The following ADGRG7 variants were observed in gnomAD, a reference collection of about 807,000 sequenced individuals.
The protein encoded by ADGRG7 is adhesion G protein-coupled receptor G7, also known as G-protein coupled receptor 128.
ADGRG7 carries 82 observed loss-of-function variants against 88.6 expected under a neutral mutation model. That is an observed-to-expected ratio of 0.93 (90% CI 0.77 to 1.11). ADGRG7 has a LOEUF of 1.11. Ranked by LOEUF, ADGRG7 falls within the 50% of genes most tolerant of loss-of-function variation. The pLI, the probability that ADGRG7 is intolerant of heterozygous loss-of-function variation, is 0.00. For synonymous variants in ADGRG7, 381 were observed against 345.2 expected, an observed-to-expected ratio of 1.10 and a Z score of -1.15; for missense variants, 945 against 953.4, an observed-to-expected ratio of 0.99 and a Z score of 0.12.
At chr3:100,619,595 T>C (rs963374741) in intron 1 of ADGRG7, among the ~76,000 whole-genome samples, 5 of 152,052 alleles carry the variant, frequency 3.3e-5, no homozygotes, top group Admixed American at 3.3e-4. Context: ...CAAAAAACCC[T>C]TCAAAAAATC....
At chr3:100,611,481 G>A (rs889366310) in intron 1 of ADGRG7, among the ~76,000 whole-genome samples, 2 of 152,064 alleles carry the variant, frequency 1.3e-5, no homozygotes, top group African/African-American at 4.8e-5. Context: ...AGTGCAGGAT[G>A]GGGGACAGAA....
chr3:100,646,455 A>G (rs371379472), intron 9 of ADGRG7, 114 bp from the exon 10 acceptor site: 116 of 776,592 alleles, frequency 1.5e-4, no homozygotes, highest in Middle Eastern at 5.4e-4. Context: ...GAATATGCTG[A>G]TGCTTAGTAT....
chr3:100,627,929 T>C (rs1258117265), intron 1 of ADGRG7, among the ~76,000 whole-genome samples: 1 of 152,224 alleles, frequency 6.6e-6, no homozygotes, highest in Non-Finnish European at 1.5e-5. Context: ...TTAGACAATA[T>C]GTTGATATTG....
intron 1 of ADGRG7, among the ~76,000 whole-genome samples, chr3:100,619,867 G>A (rs1402645368): frequency 6.6e-6 from 1 of 152,164 alleles, no homozygotes; most frequent in Non-Finnish European, 1.5e-5. Flanking sequence ...GGAAGAAGTT[G>A]AATCTCTGAA....
At chr3:100,659,301 G>T (rs756067604) in intron 13 of ADGRG7, among the ~76,000 whole-genome samples, 2 of 151,530 alleles carry the variant, frequency 1.3e-5, no homozygotes, top group African/African-American at 4.8e-5. Flanking sequence ...TCAGCTGGGC[G>T]TGGTGGCGGG....
intron 13 of ADGRG7, among the ~76,000 whole-genome samples, chr3:100,657,977 A>T (rs1296441687): frequency 6.6e-6 from 1 of 152,222 alleles, no homozygotes; most frequent in Non-Finnish European, 1.5e-5. Flanking sequence ...GGGGAAAGAA[A>T]ATAAAATTAA....
chr3:100,653,118 C>T (rs566049793), intron 11 of ADGRG7, among the ~76,000 whole-genome samples: 12 of 152,178 alleles, frequency 7.9e-5, no homozygotes, highest in South Asian at 4.2e-4. Flanking sequence ...TCTGAAAAGT[C>T]TTGCAGAAAA....
At chr3:100,646,834 C>T in intron 10 of ADGRG7, 110 bp downstream of exon 10, 2 of 945,108 alleles carry the variant, frequency 2.1e-6, no homozygotes, top group Non-Finnish European at 3.2e-6. Context: ...AGATTCTCAA[C>T]TCAGATTAAA....
At chr3:100,692,842 C>T (rs2094996203) in intron 15 of ADGRG7, among the ~76,000 whole-genome samples, 1 of 152,130 alleles carries the variant, frequency 6.6e-6, no homozygotes, top group Non-Finnish European at 1.5e-5. Context: ...CCCTTACCTA[C>T]TCAACCAGAA....
intron 11 of ADGRG7, among the ~76,000 whole-genome samples, chr3:100,651,794 A>G (rs1198721340): frequency 6.6e-6 from 1 of 152,134 alleles, no homozygotes; most frequent in Non-Finnish European, 1.5e-5. Context: ...GTTCCCATAT[A>G]ATAATAATGC....
At chr3:100,678,439 A>G (rs2094968560) in intron 15 of ADGRG7, among the ~76,000 whole-genome samples, 2 of 148,972 alleles carry the variant, frequency 1.3e-5, no homozygotes, top group African/African-American at 5.1e-5. Context: ...CTGGTGCCTT[A>G]TTTATTTATT....
intron 13 of ADGRG7, 24 bp from the exon 14 acceptor site, chr3:100,659,664 A>G (rs542905861): frequency 4.3e-6 from 7 of 1,610,480 alleles, no homozygotes; most frequent in South Asian, 1.1e-5. Flanking sequence ...AGTCTGCTGA[A>G]GCAATTTTTT....
chr3:100,652,945 T>C (rs986189047), intron 11 of ADGRG7, among the ~76,000 whole-genome samples: 2 of 152,228 alleles, frequency 1.3e-5, no homozygotes, highest in Non-Finnish European at 2.9e-5. Context: ...CACTTGGTTG[T>C]ACACCCAGAA....
rs183700999 is a variant in ADGRG7, at chr3:100,623,543, T to A, written c.116-6055T>A. 3.4e-4 allele frequency among the ~76,000 whole-genome samples: 52 copies of A among 152,234 alleles called. No individual in the cohort carries two copies. The East Asian group carries it at 3.7e-3, about 11-fold the overall frequency. ...TCTTTTTTCCAATTTTTAAAAAAAA[T>A]TTTATTTTACTTTAAGTTGCAGGAT... On this transcript the variant is annotated intron_variant, in intron 1 of 15. Coordinates refer to ENST00000273352, the MANE Select transcript of ADGRG7 (RefSeq NM_032787.3).
chr3:100,679,021 A>G (rs1210322159), intron 15 of ADGRG7, among the ~76,000 whole-genome samples: 1 of 152,178 alleles, frequency 6.6e-6, no homozygotes, highest in Admixed American at 6.5e-5. Flanking sequence ...AAATCTAGCC[A>G]GGCTTGTTTC....
intron 15 of ADGRG7, among the ~76,000 whole-genome samples, chr3:100,686,146 T>C (rs2094982224): frequency 6.6e-6 from 1 of 151,934 alleles, no homozygotes; most frequent in Admixed American, 6.6e-5. Context: ...CATTTTTTCA[T>C]GTGTTTTTTG....
intron 14 of ADGRG7, among the ~76,000 whole-genome samples, chr3:100,668,406 G>A (rs1373869895): frequency 6.6e-6 from 1 of 152,186 alleles, no homozygotes; most frequent in Non-Finnish European, 1.5e-5. Flanking sequence ...AGGAGTGAGG[G>A]AAGGCAAATT....
chr3:100,691,482 G>A (rs1216749198), intron 15 of ADGRG7, among the ~76,000 whole-genome samples: 1 of 152,042 alleles, frequency 6.6e-6, no homozygotes, highest in East Asian at 1.9e-4. Context: ...GACTGGAGCT[G>A]TTCCTATTCG....
At chr3:100,638,370 C>T (rs1707581633) in intron 6 of ADGRG7, among the ~76,000 whole-genome samples, 1 of 152,176 alleles carries the variant, frequency 6.6e-6, no homozygotes, top group African/African-American at 2.4e-5. Flanking sequence ...GTCAAGTCAC[C>T]TCTCAGCCTC....
Sources: allele counts gnomAD v4.1 joint callset (sites outside exome capture counted in the v4.1 genomes callset), GRCh38; gene constraint gnomAD v4.1.1; transcripts MANE v1.5; gene names NCBI Gene and HGNC (gene_info 2026-07-23, HGNC 2026-07-21).